FAM178B: variants seen among roughly 807,000 people sequenced by gnomAD.
FAM178B encodes protein FAM178B.
A neutral mutation model predicts 91.7 loss-of-function variants in FAM178B; 82 were observed. The observed-to-expected ratio is 0.89, with a 90% CI of 0.75 to 1.07. The LOEUF (loss-of-function observed/expected upper bound fraction) is 1.07. Among genes scored for constraint, FAM178B ranks in the 50% least tolerant of loss-of-function variants. FAM178B has a pLI of 0.00. For missense variants in FAM178B, 769 were observed against 846.7 expected, an observed-to-expected ratio of 0.91 and a Z score of 1.14; for synonymous variants, 368 against 359.4, an observed-to-expected ratio of 1.02 and a Z score of -0.27.
chr2:96,965,869 T>C (rs2082136533), intron 5 of FAM178B, among the ~76,000 whole-genome samples: 1 of 152,076 alleles, frequency 6.6e-6, no homozygotes. Context: ...TTCCATCCAT[T>C]TGTCAGCAAA....
chr2:96,977,975 G>C, intron 1 of FAM178B: 1 of 450,112 alleles, frequency 2.2e-6, no homozygotes, highest in South Asian at 1.6e-5. Flanking sequence ...ACCGGCAAGA[G>C]GGAGCACTTT....
chr2:96,945,506 G>A (rs547197925), intron 8 of FAM178B, among the ~76,000 whole-genome samples: 41 of 152,224 alleles, frequency 2.7e-4, no homozygotes, highest in Non-Finnish European at 5.1e-4. Context: ...CAAATCTCCT[G>A]TTTACATATG....
chr2:96,971,299 CCTCT>C (rs1247747306), intron 3 of FAM178B, among the ~76,000 whole-genome samples: 1 of 146,134 alleles, frequency 6.8e-6, no homozygotes, highest in Admixed American at 6.8e-5. Flanking sequence ...CTCCCACCTC[CCTCT>C]CTCTCTCCTT....
In FAM178B at chr2:96,947,920, A is replaced by C; in HGVS notation, c.994-18T>G. 7.2e-7 allele frequency: 1 copy of C among 1,381,876 alleles called. No individual in the cohort carries two copies. Among genetic ancestry groups the C allele is most frequent in the South Asian group, 1.2e-5 (1 of 80,012 alleles). 85.6% of individuals were successfully genotyped at this position (1,381,876 alleles called of 1,614,324 possible). ...GTCAGCAGCTAGGTGGAAAAAAAAA[A>C]CAAAAACAAAAACCTGGTGAGCTGG... On this transcript the variant is annotated intron_variant, in intron 7 of 16. Transcript: ENST00000490605.
intron 1 of FAM178B, 49 bp downstream of exon 1, chr2:96,986,192 T>C: frequency 6.5e-7 from 1 of 1,533,278 alleles, no homozygotes; most frequent in South Asian, 1.2e-5. Context: ...GAGTGCTCTC[T>C]GAGCGCTAAC....
chr2:96,891,256 G>A (rs918320900), intron 14 of FAM178B, among the ~76,000 whole-genome samples: 4 of 152,198 alleles, frequency 2.6e-5, no homozygotes, highest in Non-Finnish European at 5.9e-5. Flanking sequence ...AATTACAAAC[G>A]ATGTGCTGGG....
rs529211235 is a variant in FAM178B, at chr2:96,916,477, C to T, written c.1562+4688G>A. ...GCACACAGGATGTTTAATGAATAGC[C>T]GCAGGCAGTGAAGGAAGAGGATCCC... On this transcript the variant is annotated intron_variant, in intron 12 of 16. Coordinates refer to ENST00000490605, the MANE Select transcript of FAM178B (RefSeq NM_001122646.3). Among the ~76,000 whole-genome samples, 9 of 152,322 alleles carry T rather than the reference C, an allele frequency of 5.9e-5. No homozygotes were observed. The South Asian group carries it at 1.7e-3, about 28-fold the overall frequency.
rs2153376835 is a variant in FAM178B at position 96,986,558 on chromosome 2, T to A, written c.-245A>T. ...GCTCACAGCCGCCGCCGCCGCCAGC[T>A]GGGGAGCTCGCCGGCCAAGTGCGCA... On this transcript the variant is annotated 5_prime_UTR_variant, in exon 1 of 17. Coordinates refer to ENST00000490605, the MANE Select transcript of FAM178B (RefSeq NM_001122646.3). 1 of 509,570 alleles carries A rather than the reference T, an allele frequency of 2.0e-6. No individual in the cohort carries two copies. Among genetic ancestry groups the A allele is most frequent in the East Asian group, 3.8e-5 (1 of 26,422 alleles). 31.6% of individuals were successfully genotyped at this position (509,570 alleles called of 1,614,324 possible). A position where few individuals can be genotyped will look rare whatever the true frequency, so the allele number is the denominator to read the frequency against.
In FAM178B at chr2:96,984,299, C is replaced by CA. The variant is rs1180035200; in HGVS notation, c.73+1941dup. On this transcript the variant is annotated intron_variant, in intron 1 of 16. Transcript: ENST00000490605. ...AACTTTCACTCCGCCACCAGGAAGACAATTTGCCCAACCTGTTCAATACAG... is the reference window on the plus strand; with the variant it reads ...AACTTTCACTCCGCCACCAGGAAGACAAATTTGCCCAACCTGTTCAATACAG... Among the ~76,000 whole-genome samples the CA allele has an allele frequency of 2.6e-5, 4 of 152,302 alleles. No homozygotes were observed. The East Asian group carries it at 7.7e-4, about 29-fold the overall frequency.
chr2:96,887,908 C>A (rs927984155), intron 14 of FAM178B, among the ~76,000 whole-genome samples: 21 of 152,200 alleles, frequency 1.4e-4, no homozygotes, highest in African/African-American at 4.3e-4. Flanking sequence ...TGCCAAGGCC[C>A]TGAGCAAAAG....
intron 10 of FAM178B, among the ~76,000 whole-genome samples, chr2:96,921,998 G>A (rs1409237329): frequency 6.6e-6 from 1 of 152,116 alleles, no homozygotes; most frequent in Non-Finnish European, 1.5e-5. Context: ...CAAAGACCCC[G>A]CTGATAAAAC....
At chr2:96,890,223 C>T (rs114925161) in intron 14 of FAM178B, among the ~76,000 whole-genome samples, 2,076 of 152,158 alleles carry the variant, frequency 0.014, 44 homozygotes, top group African/African-American at 0.047. Context: ...TGCAGTGAGC[C>T]GAGATCCAGT....
At chr2:96,964,448 A>G (rs1426330720) in intron 5 of FAM178B, among the ~76,000 whole-genome samples, 1 of 152,132 alleles carries the variant, frequency 6.6e-6, no homozygotes, top group Admixed American at 6.5e-5. Flanking sequence ...CCAGGCTCAC[A>G]GAAGCAGCAA....
intron 8 of FAM178B, among the ~76,000 whole-genome samples, chr2:96,938,590 G>A (rs1250963854): frequency 1.3e-5 from 2 of 152,190 alleles, no homozygotes; most frequent in South Asian, 2.1e-4. Flanking sequence ...ACCGGGAGAC[G>A]CAGTGTTTCT....
intron 5 of FAM178B, among the ~76,000 whole-genome samples, chr2:96,963,499 C>T (rs2082108204): frequency 1.3e-5 from 2 of 152,242 alleles, no homozygotes; most frequent in South Asian, 4.1e-4. Flanking sequence ...CGTGGGAGTC[C>T]ATGTGGGACG....
chr2:96,901,107 T>A (rs2080919075), intron 13 of FAM178B, among the ~76,000 whole-genome samples: 1 of 151,772 alleles, frequency 6.6e-6, no homozygotes, highest in South Asian at 2.1e-4. Flanking sequence ...TCCTCTGAGC[T>A]GCCAGGAGCC....
intron 1 of FAM178B, chr2:96,977,942 G>T: frequency 4.5e-6 from 2 of 445,702 alleles, no homozygotes; most frequent in Non-Finnish European, 9.1e-6. Flanking sequence ...GCTGGAGGGT[G>T]GGGCGGGCGG....
At chr2:96,895,101 T>C (rs1463482587) in intron 13 of FAM178B, 1 of 1,289,556 alleles carries the variant, frequency 7.8e-7, no homozygotes, top group East Asian at 5.6e-5. Context: ...GCCTGGCCTG[T>C]GTCTTCAGCC....
intron 8 of FAM178B, among the ~76,000 whole-genome samples, chr2:96,936,514 TG>T (rs1261797575): frequency 1.2e-4 from 16 of 137,438 alleles, no homozygotes; most frequent in Admixed American, 2.2e-4. Context: ...TTTTTTTGGT[TG>T]TTTTTTTTTT....
Sources: allele counts gnomAD v4.1 joint callset (sites outside exome capture counted in the v4.1 genomes callset), GRCh38; gene constraint gnomAD v4.1.1; transcripts MANE v1.5; gene names NCBI Gene and HGNC (gene_info 2026-07-23, HGNC 2026-07-21).